The following ABL1 variants were observed in gnomAD, a reference collection of about 807,000 sequenced individuals.
ABL1 encodes the protein tyrosine-protein kinase ABL1.
In ABL1, 11 loss-of-function variants were observed where a neutral mutation model predicts 94.7. The observed-to-expected ratio is 0.12, with a 90% CI of 0.07 to 0.19. ABL1 has a LOEUF of 0.19. Ranked by LOEUF, ABL1 falls within the 10% of genes least tolerant of loss-of-function variation. The pLI, the probability that ABL1 is intolerant of heterozygous loss-of-function variation, is 1.00. For missense variants in ABL1, 1,082 were observed against 1,489.4 expected (o/e 0.73, Z 4.50); for synonymous variants, 656 against 622.4 (o/e 1.05, Z -0.80).
chr9:130,848,345 G>GAAAAAAA (rs34112720), intron 1 of ABL1, among the ~76,000 whole-genome samples: 9 of 69,674 alleles, frequency 1.3e-4, no homozygotes, highest in African/African-American at 2.1e-4. Flanking sequence ...TACTGAAAAT[G>GAAAAAAA]AAAAAAAAAA....
chr9:130,885,062 G>T lies in ABL1; in HGVS notation c.2772G>T (p.Gly924=). ...PSQSPSQEAA[G]EAVLGAKTKA... ...AGAGCCCGAGCCAGGAGGCGGCCGG[G>T]GAGGCAGTCCTGGGCGCAAAGACAA... Residue 924 remains glycine, a synonymous_variant, in exon 11 of 11, where the codon GGG becomes GGT. Coordinates refer to ENST00000318560, the MANE Select transcript of ABL1 (RefSeq NM_005157.6). The T allele has an allele frequency of 6.2e-7, 1 of 1,610,062 alleles. No individual in the cohort carries two copies. Among genetic ancestry groups the T allele is most frequent in the Non-Finnish European group, 8.5e-7 (1 of 1,178,248 alleles).
rs761888024 is a variant in ABL1 at position 130,863,798 on chromosome 9, G to T, written c.822+763G>T. ...TTCCCTGTGGCGAGGGTGTCCCCTA[G>T]TGTTGACTTACATTATTTCCACTTG... On this transcript the variant is annotated intron_variant, in intron 4 of 10. Transcript: ENST00000318560. The surrounding 1 kb of genome is among the most constrained non-coding windows in gnomAD (Gnocchi z 4.3). Among the ~76,000 whole-genome samples the T allele has an allele frequency of 6.6e-6, 1 of 152,212 alleles. No individual in the cohort carries two copies. The highest frequency in any genetic ancestry group is 1.5e-5 in the Non-Finnish European group (1 of 68,036).
intron 1 of ABL1, among the ~76,000 whole-genome samples, chr9:130,736,107 C>T (rs1333833834): frequency 6.6e-6 from 1 of 151,468 alleles, no homozygotes; most frequent in Non-Finnish European, 1.5e-5. Flanking sequence ...AAATGTATAC[C>T]ACTATGCCTG....
At chr9:130,850,196 A>T (rs998775920) in intron 1 of ABL1, among the ~76,000 whole-genome samples, 1 of 152,234 alleles carries the variant, frequency 6.6e-6, no homozygotes, top group Non-Finnish European at 1.5e-5. Flanking sequence ...TACTTGGTTG[A>T]TATGAAACCA....
At chr9:130,867,704 A>C (rs2132983027) in intron 4 of ABL1, among the ~76,000 whole-genome samples, 1 of 152,346 alleles carries the variant, frequency 6.6e-6, no homozygotes, top group South Asian at 2.1e-4. Flanking sequence ...TACCCTTGGC[A>C]GTTGTACGCA....
In ABL1 at chr9:130,735,957, A is replaced by ATT. The variant is rs1238756333; in HGVS notation, c.136+21503_136+21504insTT. Among the ~76,000 whole-genome samples the ATT allele has an allele frequency of 7.1e-4, 31 of 43,826 alleles. No individual in the cohort carries two copies. The East Asian group carries it at 0.011, about 15-fold the overall frequency. The allele number at this position is 43,826 out of a possible 152,430, so 28.8% of individuals were successfully genotyped here. ...TGCATATATATATATATATATATAT[A>ATT]TATATTTTTTTTTTTTAAGACAGGG... On this transcript the variant is annotated intron_variant, in intron 1 of 10. Coordinates refer to the ABL1 transcript ENST00000372348.
intron 1 of ABL1, among the ~76,000 whole-genome samples, chr9:130,796,785 C>CT (rs977411318): frequency 6.0e-5 from 9 of 150,772 alleles, no homozygotes; most frequent in Non-Finnish European, 8.9e-5. Context: ...AACAAAAAAA[C>CT]TTTTTTTGCC....
In ABL1 at chr9:130,877,673, C is replaced by T. The variant is rs1367425076; in HGVS notation, c.1271-742C>T. Among the ~76,000 whole-genome samples, 4 of 146,114 alleles carry T rather than the reference C, an allele frequency of 2.7e-5. 1 individual carries two copies. Among genetic ancestry groups the T allele is most frequent in the African/African-American group, 8.0e-5 (3 of 37,724 alleles). On this transcript the variant is annotated intron_variant, in intron 7 of 10. Transcript: ENST00000318560. ...TTTTTATTTTTGAGACGGGGTCTTG[C>T]TCTGTCGCCCAGGCTGGCGTGCAGT... is the stretch of plus-strand genomic sequence containing the variant.
chr9:130,802,375 T>G (rs1020590516), intron 1 of ABL1, among the ~76,000 whole-genome samples: 6 of 152,204 alleles, frequency 3.9e-5, no homozygotes, highest in Admixed American at 1.3e-4. Flanking sequence ...ATTACAGGTG[T>G]CAGCCACTAT....
At chr9:130,853,168 T>A (rs973911721) in intron 1 of ABL1, among the ~76,000 whole-genome samples, 54 of 116,700 alleles carry the variant, frequency 4.6e-4, no homozygotes, top group Admixed American at 3.7e-3. Flanking sequence ...GATTTGACTT[T>A]TCTTTTTTTT....
intron 3 of ABL1, among the ~76,000 whole-genome samples, chr9:130,859,676 C>T (rs73557808): frequency 0.15 from 14,308 of 95,750 alleles, 2,322 homozygotes; most frequent in African/African-American, 0.48. Flanking sequence ...TTCTTTCTTT[C>T]CTTTTTTTTT....
chr9:130,802,095 C>T (rs201231641), intron 1 of ABL1, among the ~76,000 whole-genome samples: 13 of 132,074 alleles, frequency 9.8e-5, no homozygotes, highest in African/African-American at 2.1e-4. Context: ...TTCCTTCAGT[C>T]TTTTTTTTTT....
rs35589854 is a variant in ABL1, at chr9:130,810,143, T to G, written c.137-43921T>G. Among the ~76,000 whole-genome samples, 36 of 152,326 alleles carry G rather than the reference T, an allele frequency of 2.4e-4. 1 individual carries two copies. In the East Asian group the frequency reaches 6.9e-3, roughly 29 times the overall value. ...AGTACATTACAGACATTAGTCATTA[T>G]AATTGTATTCCATGTGTTCAGTAAG... is the stretch of plus-strand genomic sequence containing the variant. On this transcript the variant is annotated intron_variant, in intron 1 of 10. Transcript: ENST00000372348.
At chr9:130,714,189 G>C in exon 1 of ABL1, 1 of 880,592 alleles carries the variant, frequency 1.1e-6, no homozygotes, top group Non-Finnish European at 1.6e-6. Context: ...TTCTGTGATT[G>C]ACTTCAATTG....
chr9:130,799,337 G>A (rs1830025339), intron 1 of ABL1, among the ~76,000 whole-genome samples: 1 of 152,208 alleles, frequency 6.6e-6, no homozygotes, highest in Non-Finnish European at 1.5e-5. Flanking sequence ...TGGGTTACAG[G>A]TGCATCGTTT....
intron 1 of ABL1, among the ~76,000 whole-genome samples, chr9:130,798,684 G>C (rs142066883): frequency 1.9e-4 from 29 of 152,154 alleles, no homozygotes; most frequent in East Asian, 1.7e-3. Context: ...AATTGGAAGG[G>C]GGGGCCGGGC....
rs776378571 is a variant in ABL1 at position 130,884,660 on chromosome 9, T to C, written c.2370T>C (p.Asn790=). The change falls in exon 11 of 11, where the codon AAT becomes AAC. Residue 790 remains asparagine, a synonymous_variant. Coordinates refer to ENST00000318560, the MANE Select transcript of ABL1 (RefSeq NM_005157.6). This position sits in a 1 kb window ranked among gnomAD's most constrained non-coding sequence, Gnocchi z 5.6. ...CTCCCCCCAGGCTGGTGAAAAAGAA[T>C]GAGGAAGCTGCTGATGAGGTCTTCA... is the stretch of plus-strand genomic sequence containing the variant. ...VTPPPRLVKK[N]EEAADEVFKD... 1 of 1,612,936 alleles carries C rather than the reference T, an allele frequency of 6.2e-7. No homozygotes were observed. The highest frequency in any genetic ancestry group is 1.3e-5 in the African/African-American group (1 of 74,886).
intron 1 of ABL1, among the ~76,000 whole-genome samples, chr9:130,727,854 C>G (rs1330929704): frequency 1.3e-5 from 2 of 148,962 alleles, no homozygotes; most frequent in East Asian, 2.0e-4. Context: ...CCAAAGTAAT[C>G]CCACAGTACA....
At chr9:130,811,238 A>C (rs911950145) in intron 1 of ABL1, among the ~76,000 whole-genome samples, 1 of 152,198 alleles carries the variant, frequency 6.6e-6, no homozygotes, top group Non-Finnish European at 1.5e-5. Context: ...GCAGTGAGCT[A>C]TGATCGCACC....
Sources: allele counts gnomAD v4.1 joint callset (sites outside exome capture counted in the v4.1 genomes callset), GRCh38; gene constraint gnomAD v4.1.1; non-coding constraint Gnocchi (gnomAD v3.1); transcripts MANE v1.5; gene names NCBI Gene and HGNC (gene_info 2026-07-23, HGNC 2026-07-21).